Variants in TENM4 observed in about 807,000 individuals in gnomAD.
The protein encoded by TENM4 is teneurin transmembrane protein 4, also known as teneurin-4.
In TENM4, 82 loss-of-function variants were observed where a neutral mutation model predicts 243.3. The ratio of observed to expected loss-of-function variants is 0.34; its 90% confidence interval spans 0.28 to 0.40. The LOEUF (loss-of-function observed/expected upper bound fraction) is 0.40. Among genes scored for constraint, TENM4 ranks in the 10% least tolerant of loss-of-function variants. The pLI is 1.00. For synonymous variants in TENM4, 1,412 were observed against 1,456.3 expected (o/e 0.97, Z 0.69); for missense variants, 3,138 against 3,673.3 (o/e 0.85, Z 3.77).
chr11:79,164,343 C>CTAGTA (rs1259787580), intron 3 of TENM4, among the ~76,000 whole-genome samples: 21 of 105,602 alleles, frequency 2.0e-4, no homozygotes, highest in Admixed American at 3.0e-4. Context: ...TATAGATATA[C>CTAGTA]TATATAGATA....
intron 6 of TENM4, among the ~76,000 whole-genome samples, chr11:78,975,775 GAT>G (rs1189969912): frequency 7.4e-6 from 1 of 134,702 alleles, no homozygotes; most frequent in African/African-American, 2.7e-5. Flanking sequence ...AGGGGCAAGA[GAT>G]AGGAAGATTC....
chr11:78,732,659 G>T (rs1590976621), intron 20 of TENM4, 82 bp from the exon 21 acceptor site: 2 of 1,445,496 alleles, frequency 1.4e-6, no homozygotes, highest in Non-Finnish European at 1.8e-6. Context: ...ACAAAGAAAG[G>T]GGAGAAAATT....
At chr11:79,349,892 T>C (rs548058976) in intron 1 of TENM4, among the ~76,000 whole-genome samples, 50 of 152,350 alleles carry the variant, frequency 3.3e-4, no homozygotes, top group African/African-American at 1.1e-3. Context: ...ATACTCTCTC[T>C]ATCCCAGCCT....
intron 28 of TENM4, among the ~76,000 whole-genome samples, chr11:78,700,617 C>T (rs1859079726): frequency 6.6e-6 from 1 of 152,162 alleles, no homozygotes; most frequent in Non-Finnish European, 1.5e-5. Flanking sequence ...CTTAGAGGAA[C>T]ACCCCAGATA....
rs979468008 is a variant in TENM4 at position 78,903,489 on chromosome 11, G to C, written c.528C>G (p.Leu176=). The C allele has an allele frequency of 6.5e-7, 1 of 1,547,372 alleles. No homozygotes were observed. Among genetic ancestry groups the C allele is most frequent in the African/African-American group, 1.4e-5 (1 of 72,966 alleles). ...HPGGLQNHAR[L]RTPPPPLSHA... ...GCGAGAGCGGCGGCGGCGGCGTCCG[G>C]AGCCGCGCGTGGTTCTGCAGGCCGC... Residue 176 remains leucine, a synonymous_variant, in exon 7 of 34, where the codon CTC becomes CTG. Coordinates refer to ENST00000278550, the MANE Select transcript of TENM4 (RefSeq NM_001098816.3).
chr11:79,353,757 A>G (rs1464951477), intron 1 of TENM4, among the ~76,000 whole-genome samples: 1 of 29,880 alleles, frequency 3.3e-5, no homozygotes, highest in Admixed American at 2.4e-4. Flanking sequence ...AAAAAGGAGG[A>G]AAAAAAAAAA....
chr11:78,666,158 C>T (rs113312910), intron 32 of TENM4, among the ~76,000 whole-genome samples: 8 of 152,112 alleles, frequency 5.3e-5, no homozygotes, highest in Admixed American at 2.6e-4. Flanking sequence ...GGTTCTTATT[C>T]GTGATTGCAC....
chr11:78,812,038 C>G, intron 14 of TENM4, 84 bp downstream of exon 14: 1 of 1,471,760 alleles, frequency 6.8e-7, no homozygotes, highest in Non-Finnish European at 9.1e-7. Context: ...GGAGGCTTCC[C>G]CTGCTCCCTG....
chr11:78,891,088 CTGTTGCAAGTTGA>C, intron 8 of TENM4, 137 bp downstream of exon 8: 1 of 666,076 alleles, frequency 1.5e-6, no homozygotes, highest in Non-Finnish European at 2.6e-6. Flanking sequence ...AAAGGATAAA[CTGTTGCAAGTTGA>C]ACACGGACTT....
chr11:78,932,927 G>A (rs983005407), intron 6 of TENM4, among the ~76,000 whole-genome samples: 3 of 152,150 alleles, frequency 2.0e-5, no homozygotes, highest in African/African-American at 4.8e-5. Flanking sequence ...AACAGGCCAC[G>A]GTCCGGTACA....
At chr11:78,747,933 C>T (rs1856089135) in intron 19 of TENM4, among the ~76,000 whole-genome samples, 1 of 152,196 alleles carries the variant, frequency 6.6e-6, no homozygotes, top group African/African-American at 2.4e-5. Context: ...TTCTCTGGGA[C>T]TCAGGCCTGG....
intron 4 of TENM4, among the ~76,000 whole-genome samples, chr11:79,120,467 C>A (rs1051493677): frequency 1.3e-5 from 2 of 152,134 alleles, no homozygotes; most frequent in African/African-American, 2.4e-5. Flanking sequence ...CTGGAAGGAA[C>A]AACAATAATC....
Position 78,672,242 on chromosome 11 carries a change from G to A in TENM4, c.5584C>T (p.Arg1862Trp), listed in dbSNP as rs775169708. 1.9e-6 allele frequency: 3 copies of A among 1,614,086 alleles called. No homozygotes were observed. The highest frequency in any genetic ancestry group is 2.2e-5 in the East Asian group (1 of 44,880). Residue 1862 changes from arginine to tryptophan, a missense_variant, in exon 31 of 34, where the codon CGG becomes TGG. Arg to Trp is a moderately radical substitution (Grantham distance 101). This residue lies in a region of TENM4 where 2,467 missense variants were observed against 3,059.1 expected (regional missense o/e 0.81). Transcript: ENST00000278550. ...CGCCCCGCCTGGTCGTACAGAATCC[G>A]AAGGGTGAACTTGCGGTGGTCATCA... The part of the protein sequence containing the change: ...IYDDHRKFTL[R>W]ILYDQAGRPS...
chr11:78,946,254 C>T (rs918541983), intron 6 of TENM4, among the ~76,000 whole-genome samples: 1 of 152,178 alleles, frequency 6.6e-6, no homozygotes, highest in African/African-American at 2.4e-5. Context: ...TTTATCATTC[C>T]CAAAATCCCA....
intron 3 of TENM4, among the ~76,000 whole-genome samples, chr11:79,164,723 T>C (rs1862871094): frequency 6.6e-6 from 1 of 151,540 alleles, no homozygotes; most frequent in South Asian, 2.1e-4. Context: ...TTTCCCATGC[T>C]ATTCTCATGA....
intron 6 of TENM4, among the ~76,000 whole-genome samples, chr11:78,922,215 T>A (rs145322838): frequency 6.6e-6 from 1 of 152,126 alleles, no homozygotes; most frequent in South Asian, 2.1e-4. Context: ...CAGAATTAAA[T>A]GATAGGGACA....
intron 4 of TENM4, among the ~76,000 whole-genome samples, chr11:79,102,551 G>A (rs142080479): frequency 3.6e-3 from 548 of 152,340 alleles, no homozygotes; most frequent in African/African-American, 0.013. Flanking sequence ...GGTACCTGGT[G>A]GACATCTGTG....
chr11:79,171,104 G>A (rs1055660274), intron 3 of TENM4, among the ~76,000 whole-genome samples: 1 of 152,172 alleles, frequency 6.6e-6, no homozygotes, highest in Admixed American at 6.5e-5. Flanking sequence ...GCACACAGAG[G>A]TCAGAGAGGC....
intron 1 of TENM4, among the ~76,000 whole-genome samples, chr11:79,396,893 G>A (rs955151878): frequency 2.6e-5 from 4 of 152,184 alleles, no homozygotes; most frequent in Non-Finnish European, 5.9e-5. Flanking sequence ...AATACTGTCT[G>A]AGTCGGTTTG....
Sources: allele counts gnomAD v4.1 joint callset (sites outside exome capture counted in the v4.1 genomes callset), GRCh38; gene constraint gnomAD v4.1.1; regional missense constraint gnomAD v4.1.1; transcripts MANE v1.5; gene names NCBI Gene and HGNC (gene_info 2026-07-23, HGNC 2026-07-21).